FIRRM: variants seen among roughly 807,000 people sequenced by gnomAD.
FIRRM encodes FIGNL1 interacting regulator of recombination and mitosis, also known as FIGNL1-interacting regulator of recombination and mitosis.
the FIRRM span, among the ~76,000 whole-genome samples, chr1:169,812,152 T>G: frequency 6.6e-6 from 1 of 152,344 alleles, no homozygotes; most frequent in African/African-American, 2.4e-5. Flanking sequence ...AGTATGCTAT[T>G]TAGTAATGAA....
At chr1:169,852,799 A>C in the FIRRM span, 5 of 1,613,970 alleles carry the variant, frequency 3.1e-6, no homozygotes, top group Non-Finnish European at 4.2e-6. Context: ...GCCTTATGCA[A>C]AAAGAGCTCG....
the FIRRM span, among the ~76,000 whole-genome samples, chr1:169,817,889 G>A: frequency 1.3e-5 from 2 of 151,814 alleles, no homozygotes; most frequent in South Asian, 2.1e-4. Flanking sequence ...ATTTTTTCCA[G>A]TGTTCAATTT....
chr1:169,827,643 A>C, the FIRRM span: 1 of 1,585,808 alleles, frequency 6.3e-7, no homozygotes, highest in South Asian at 1.1e-5. Context: ...GACTCAAACA[A>C]AAAAAAATTA....
the FIRRM span, among the ~76,000 whole-genome samples, chr1:169,839,529 G>A: frequency 6.6e-6 from 1 of 151,990 alleles, no homozygotes; most frequent in African/African-American, 2.4e-5. Flanking sequence ...ATGATGGTTG[G>A]CCTCTTGTGT....
the FIRRM span, chr1:169,851,543 C>T: frequency 2.4e-6 from 1 of 414,344 alleles, no homozygotes; most frequent in South Asian, 3.4e-5. Flanking sequence ...TGTGTATACA[C>T]TGCTGTTGCC....
chr1:169,822,793 C>T, the FIRRM span, among the ~76,000 whole-genome samples: 1 of 152,104 alleles, frequency 6.6e-6, no homozygotes, highest in Non-Finnish European at 1.5e-5. Context: ...AGCCACTGTG[C>T]CCGGTCGACA....
the FIRRM span, among the ~76,000 whole-genome samples, chr1:169,840,192 C>G: frequency 2.0e-4 from 30 of 152,268 alleles, no homozygotes; most frequent in African/African-American, 7.0e-4. Flanking sequence ...CTTAGGATTA[C>G]TTTGGCTATT....
chr1:169,802,603 C>T, the FIRRM span: 22 of 1,518,776 alleles, frequency 1.4e-5, no homozygotes, highest in Admixed American at 2.9e-4. Flanking sequence ...CTGTTTATTA[C>T]TTGATTTGTT....
chr1:169,800,950 C>G, the FIRRM span: 5 of 1,589,128 alleles, frequency 3.1e-6, no homozygotes, highest in South Asian at 1.1e-5. Flanking sequence ...AACAGACTTT[C>G]TTTTCACAAG....
chr1:169,820,221 C>T, the FIRRM span, among the ~76,000 whole-genome samples: 2 of 152,162 alleles, frequency 1.3e-5, no homozygotes, highest in African/African-American at 4.8e-5. Context: ...AAAGCATTGC[C>T]TGTGGCAGGG....
the FIRRM span, chr1:169,852,643 A>G: frequency 4.1e-6 from 3 of 733,036 alleles, no homozygotes; most frequent in African/African-American, 1.8e-5. Context: ...TTTCTAGATG[A>G]CTGTGTAGGG....
the FIRRM span, chr1:169,806,217 C>CAG: frequency 1.6e-6 from 1 of 606,572 alleles, no homozygotes; most frequent in East Asian, 3.0e-5. Flanking sequence ...ACACTGCTGT[C>CAG]TGATAATCCA....
At chr1:169,801,760 T>A in the FIRRM span, among the ~76,000 whole-genome samples, 2 of 152,190 alleles carry the variant, frequency 1.3e-5, no homozygotes, top group Non-Finnish European at 2.9e-5. Context: ...TGGAGGGAAC[T>A]AAAGATACTT....
chr1:169,821,666 CT>C, the FIRRM span: 6 of 1,549,158 alleles, frequency 3.9e-6, no homozygotes, highest in South Asian at 1.3e-5. Context: ...TCTTATTTCC[CT>C]TTTTGGATCA....
the FIRRM span, among the ~76,000 whole-genome samples, chr1:169,810,021 G>A: frequency 1.9e-4 from 29 of 152,280 alleles, no homozygotes; most frequent in South Asian, 2.1e-4. Context: ...GGTGTCTAAC[G>A]AGGGTGTGCC....
At chr1:169,803,340 G>A in the FIRRM span, 1 of 1,604,148 alleles carries the variant, frequency 6.2e-7, no homozygotes, top group Non-Finnish European at 8.5e-7. Flanking sequence ...ACTTTGAATG[G>A]TATATAATCA....
the FIRRM span, chr1:169,837,181 G>A: frequency 1.6e-6 from 2 of 1,283,724 alleles, no homozygotes; most frequent in Non-Finnish European, 1.0e-6. Flanking sequence ...TTAGGTACTG[G>A]GGTTAGGTTG....
At chr1:169,841,194 T>A in the FIRRM span, among the ~76,000 whole-genome samples, 2 of 152,232 alleles carry the variant, frequency 1.3e-5, no homozygotes, top group Non-Finnish European at 2.9e-5. Context: ...TTTTTCCATA[T>A]CTATTGAGAT....
the FIRRM span, chr1:169,829,420 T>C: frequency 6.2e-7 from 1 of 1,612,998 alleles, no homozygotes; most frequent in Non-Finnish European, 8.5e-7. Flanking sequence ...ATTTATTACT[T>C]CCTTTCATCC....
Sources: gnomAD v4.1 joint callset for allele counts (sites outside exome capture counted in the v4.1 genomes callset) on GRCh38, gnomAD v4.1.1 for gene constraint, MANE v1.5 for transcripts, NCBI Gene and HGNC (gene_info 2026-07-23, HGNC 2026-07-21) for gene names.